SSUH2: variants seen among roughly 807,000 people sequenced by gnomAD.
SSUH2 encodes the protein ssu-2 homolog, also known as protein SSUH2 homolog.
A neutral mutation model predicts 55.3 loss-of-function variants in SSUH2; 47 were observed. The ratio of observed to expected loss-of-function variants is 0.85; its 90% CI spans 0.67 to 1.08. SSUH2 has a LOEUF of 1.08. Ranked by LOEUF, SSUH2 falls within the 50% of genes least tolerant of loss-of-function variation. The pLI is 0.00. For missense variants in SSUH2, 535 were observed against 490.7 expected, an observed-to-expected ratio of 1.09 and a Z score of -0.85; for synonymous variants, 212 against 191.5, an observed-to-expected ratio of 1.11 and a Z score of -0.89.
In SSUH2 at chr3:8,679,105, CT is replaced by C. The variant is rs1283623141; in HGVS notation, c.-901+599del. Among the ~76,000 whole-genome samples, 5 of 106,492 alleles carry C rather than the reference CT, an allele frequency of 4.7e-5. 1 individual carries two copies. In the East Asian group the frequency reaches 1.2e-3, roughly 25 times the overall value. The allele number at this position is 106,492 out of a possible 152,430, so 69.9% of individuals were successfully genotyped here. A position where few individuals can be genotyped will look rare whatever the true frequency, so the allele number is the denominator to read the frequency against. Reference sequence around the variant, plus strand: ...CTGAGAGCAAGCACCTCTTTCCCCCCTGGCTCTTAGGACCCAAATTGCGGGG... The same window carrying C: ...CTGAGAGCAAGCACCTCTTTCCCCCCGGCTCTTAGGACCCAAATTGCGGGG... On this transcript the variant is annotated intron_variant, in intron 2 of 18. Transcript: ENST00000317371.
Position 8,633,803 on chromosome 3 carries a change from G to T in SSUH2, c.210-8C>A. The T allele has an allele frequency of 1.2e-6, 2 of 1,613,736 alleles. No homozygotes were observed. Among genetic ancestry groups the T allele is most frequent in the Non-Finnish European group, 1.7e-6 (2 of 1,179,972 alleles). ...TCCGTCATCGCAGGGACTCTGCAGG[G>T]GACCGAACAGAGAGGCGGGGGCTTC... is the stretch of plus-strand genomic sequence containing the variant. On this transcript the variant is annotated splice_polypyrimidine_tract_variant and splice_region_variant and intron_variant, in intron 3 of 11. Transcript: ENST00000544814.
At chr3:8,670,644 C>T (rs902140720) in intron 5 of SSUH2, among the ~76,000 whole-genome samples, 2 of 151,924 alleles carry the variant, frequency 1.3e-5, no homozygotes, top group African/African-American at 4.8e-5. Flanking sequence ...GTAACACCCC[C>T]GAGGATATAA....
At chr3:8,623,703 G>A in intron 10 of SSUH2, 47 bp from the exon 11 acceptor site, 1 of 1,064,108 alleles carries the variant, frequency 9.4e-7, no homozygotes, top group Non-Finnish European at 1.4e-6. Context: ...GCCGCACCTG[G>A]AGCCTTGGAA....
intron 3 of SSUH2, chr3:8,634,669 A>C (rs940283467): frequency 5.6e-6 from 6 of 1,064,148 alleles, no homozygotes; most frequent in Non-Finnish European, 7.7e-6. Flanking sequence ...GTGGGTGTCC[A>C]TGGAGGAGAA....
rs1243056343 is a variant in SSUH2 at position 8,678,825 on chromosome 3, C to T, written c.-901+880G>A. ...TCGCAGGGAGAGGAGGCGGCACTCC[C>T]CACGAGGCGGGGACTGAGAACCAAT... On this transcript the variant is annotated intron_variant, in intron 2 of 18. Coordinates refer to the SSUH2 transcript ENST00000317371. 2.9e-4 allele frequency among the ~76,000 whole-genome samples: 33 copies of T among 114,592 alleles called. 6 individuals carry two copies. The highest frequency in any genetic ancestry group is 9.9e-4 in the African/African-American group (33 of 33,464). The allele number at this position is 114,592 out of a possible 152,430, so 75.2% of individuals were successfully genotyped here.
At chr3:8,642,396 G>A (rs901077805) in intron 1 of SSUH2, among the ~76,000 whole-genome samples, 6 of 152,210 alleles carry the variant, frequency 3.9e-5, no homozygotes, top group Admixed American at 6.5e-5. Flanking sequence ...TTGCAGCCTG[G>A]AATCAAGACC....
intron 8 of SSUH2, 87 bp downstream of exon 8, chr3:8,627,610 TG>T: frequency 8.8e-7 from 1 of 1,136,620 alleles, no homozygotes; most frequent in Non-Finnish European, 1.2e-6. Flanking sequence ...ACGAGACAGA[TG>T]GGTTCCTGTT....
chr3:8,669,148 C>T (rs1704274413), intron 5 of SSUH2, among the ~76,000 whole-genome samples: 1 of 152,114 alleles, frequency 6.6e-6, no homozygotes, highest in Non-Finnish European at 1.5e-5. Context: ...CGGTGGACAA[C>T]AATTTTAATT....
At chr3:8,620,651 C>T (rs779277840) in intron 11 of SSUH2, among the ~76,000 whole-genome samples, 9 of 152,226 alleles carry the variant, frequency 5.9e-5, no homozygotes, top group Non-Finnish European at 1.0e-4. Context: ...TGGGCACAGG[C>T]ATCCCCAGGG....
rs185229238 is a variant in SSUH2 at position 8,633,911 on chromosome 3, C to T, written c.210-116G>A. On this transcript the variant is annotated intron_variant, in intron 3 of 11. Transcript: ENST00000544814. The stretch of plus-strand genomic sequence containing the variant: ...AACTGAGGCCACGGTAGTGGTAAAG[C>T]CCTCAGCAGTCCAACTGGGGAGGGC... 5.6e-6 allele frequency: 9 copies of T among 1,613,996 alleles called. No homozygotes were observed. The Admixed American group carries it at 8.3e-5, about 15-fold the overall frequency.
At chr3:8,663,060 G>C (rs1703650741) in intron 6 of SSUH2, among the ~76,000 whole-genome samples, 1 of 152,216 alleles carries the variant, frequency 6.6e-6, no homozygotes, top group Non-Finnish European at 1.5e-5. Context: ...AATAAAAACA[G>C]CCACTGCCAT....
intron 3 of SSUH2, among the ~76,000 whole-genome samples, chr3:8,675,026 C>A (rs1280880113): frequency 2.0e-5 from 3 of 152,180 alleles, no homozygotes; most frequent in Non-Finnish European, 2.9e-5. Flanking sequence ...TGTCAGTCGC[C>A]ATGGAACACT....
rs753255727 is a variant in SSUH2 at position 8,627,796 on chromosome 3, C to T, written c.589-13G>A. 5 of 1,604,646 alleles carry T rather than the reference C, an allele frequency of 3.1e-6. No individual in the cohort carries two copies. In the South Asian group the frequency reaches 5.6e-5, roughly 18 times the overall value. On this transcript the variant is annotated splice_polypyrimidine_tract_variant and intron_variant, in intron 7 of 11. Transcript: ENST00000544814. ...ATGGGCACCGCACCTGCAGACACACCACTGCCTCAGCCCCCGCTGGCCTCC... is the reference window on the plus strand; with the variant it reads ...ATGGGCACCGCACCTGCAGACACACTACTGCCTCAGCCCCCGCTGGCCTCC...
At chr3:8,652,532 G>A (rs1025626380) in intron 7 of SSUH2, among the ~76,000 whole-genome samples, 1 of 152,180 alleles carries the variant, frequency 6.6e-6, no homozygotes, top group African/African-American at 2.4e-5. Flanking sequence ...GAAAGGGGAA[G>A]GGTGGAAAGC....
intron 2 of SSUH2, among the ~76,000 whole-genome samples, chr3:8,677,845 T>C (rs890663970): frequency 6.6e-6 from 1 of 150,682 alleles, no homozygotes; most frequent in Non-Finnish European, 1.5e-5. Flanking sequence ...CCACCAGCTC[T>C]CAGGATCTGC....
intron 6 of SSUH2, among the ~76,000 whole-genome samples, chr3:8,661,373 G>A (rs746026055): frequency 2.6e-5 from 4 of 152,260 alleles, no homozygotes; most frequent in Middle Eastern, 3.4e-3. Context: ...ATTCTCTCAC[G>A]TATCCTTTTC....
At chr3:8,626,124 C>T (rs1179215977) in intron 9 of SSUH2, 105 bp downstream of exon 9, 3 of 868,738 alleles carry the variant, frequency 3.5e-6, no homozygotes, top group East Asian at 2.4e-5. Context: ...CAGGTTCTTG[C>T]ACTGTGAAAG....
chr3:8,641,572 T>C (rs1414590647), intron 1 of SSUH2, among the ~76,000 whole-genome samples: 2 of 152,220 alleles, frequency 1.3e-5, no homozygotes, highest in African/African-American at 4.8e-5. Context: ...AAGTAGATGC[T>C]GTATCTTCCT....
At chr3:8,667,537 T>C (rs1403297290) in intron 5 of SSUH2, among the ~76,000 whole-genome samples, 2 of 152,280 alleles carry the variant, frequency 1.3e-5, no homozygotes, top group South Asian at 4.1e-4. Flanking sequence ...ATGGAGTCAC[T>C]CTGGTTCCAA....
Sources: allele counts gnomAD v4.1 joint callset (sites outside exome capture counted in the v4.1 genomes callset), GRCh38; gene constraint gnomAD v4.1.1; transcripts MANE v1.5; gene names NCBI Gene and HGNC (gene_info 2026-07-23, HGNC 2026-07-21).